CDK14: variants seen among roughly 807,000 people sequenced by gnomAD.
The protein encoded by CDK14 is cyclin dependent kinase 14.
Under a neutral mutation model 60.7 loss-of-function variants are expected in CDK14, and 34 were observed. The ratio of observed to expected loss-of-function variants is 0.56; its 90% CI spans 0.43 to 0.75. CDK14 has a LOEUF of 0.75. Among genes scored for constraint, CDK14 ranks in the 30% least tolerant of loss-of-function variants. The pLI is 0.00. For missense variants in CDK14, 482 were observed against 564.1 expected, an observed-to-expected ratio of 0.85 and a Z score of 1.47; for synonymous variants, 197 against 203.7, an observed-to-expected ratio of 0.97 and a Z score of 0.28.
intron 5 of CDK14, among the ~76,000 whole-genome samples, chr7:90,853,274 G>A (rs1790709454): frequency 6.6e-6 from 1 of 152,062 alleles, no homozygotes; most frequent in Non-Finnish European, 1.5e-5. Context: ...AACTGAACGG[G>A]AAAAAACTGC....
chr7:91,174,528 A>G (rs1157494838), intron 14 of CDK14, among the ~76,000 whole-genome samples: 1 of 151,492 alleles, frequency 6.6e-6, no homozygotes, highest in African/African-American at 2.4e-5. Flanking sequence ...GAGGACATTC[A>G]AACCAAAGGC....
intron 14 of CDK14, among the ~76,000 whole-genome samples, chr7:91,191,665 G>C (rs766614246): frequency 2.0e-5 from 3 of 151,936 alleles, no homozygotes; most frequent in Non-Finnish European, 4.4e-5. Flanking sequence ...AGTACACTGA[G>C]GGAAGGAAGA....
chr7:91,093,322 A>G (rs1476183311), intron 12 of CDK14, among the ~76,000 whole-genome samples: 1 of 152,198 alleles, frequency 6.6e-6, no homozygotes, highest in East Asian at 1.9e-4. Context: ...GGCAGGAGGA[A>G]ATCAAGATGT....
At chr7:90,970,058 C>T (rs1247730277) in intron 9 of CDK14, among the ~76,000 whole-genome samples, 2 of 151,822 alleles carry the variant, frequency 1.3e-5, no homozygotes, top group African/African-American at 4.8e-5. Context: ...CCTCCGCCTC[C>T]CAGGTTTAAG....
chr7:91,152,396 C>T (rs1414695557), intron 14 of CDK14, among the ~76,000 whole-genome samples: 3 of 152,124 alleles, frequency 2.0e-5, no homozygotes, highest in Non-Finnish European at 4.4e-5. Flanking sequence ...AGCTATCTGG[C>T]AAAGCTAAGT....
chr7:91,040,793 A>G (rs942475384), intron 10 of CDK14, among the ~76,000 whole-genome samples: 2 of 152,230 alleles, frequency 1.3e-5, no homozygotes, highest in African/African-American at 2.4e-5. Flanking sequence ...ACAGGTGTTC[A>G]GGGAAAAGCC....
intron 4 of CDK14, among the ~76,000 whole-genome samples, chr7:90,761,705 TATGA>T (rs1554331504): frequency 5.9e-5 from 9 of 152,324 alleles, no homozygotes; most frequent in Non-Finnish European, 1.2e-4. Flanking sequence ...CGGAATATCC[TATGA>T]ATGAACAGGA....
chr7:90,654,142 C>T (rs1335100593), intron 2 of CDK14, among the ~76,000 whole-genome samples: 1 of 152,100 alleles, frequency 6.6e-6, no homozygotes, highest in African/African-American at 2.4e-5. Context: ...GTAAGGCATG[C>T]CTTCCTTTCT....
chr7:91,195,459 G>A (rs1387930768), intron 14 of CDK14, among the ~76,000 whole-genome samples: 4 of 152,092 alleles, frequency 2.6e-5, no homozygotes, highest in Non-Finnish European at 2.9e-5. Flanking sequence ...TACCTAAGGC[G>A]GCATCTTTCT....
chr7:90,892,226 G>A (rs113284618), intron 6 of CDK14, among the ~76,000 whole-genome samples: 109 of 151,430 alleles, frequency 7.2e-4, no homozygotes, highest in African/African-American at 2.4e-3. Context: ...AAAGGTGAGT[G>A]TTGTTTTCTA....
At chr7:90,916,733 G>T (rs1474678379) in intron 7 of CDK14, among the ~76,000 whole-genome samples, 1 of 152,160 alleles carries the variant, frequency 6.6e-6, no homozygotes. Context: ...TATCAATTAG[G>T]ATTATTTTGG....
At chr7:90,719,187 T>G (rs1802357617) in intron 2 of CDK14, among the ~76,000 whole-genome samples, 1 of 152,140 alleles carries the variant, frequency 6.6e-6, no homozygotes, top group African/African-American at 2.4e-5. Context: ...GGATATTCCT[T>G]TCATGAATAT....
At chr7:90,743,567 G>C (rs1276641803) in intron 3 of CDK14, among the ~76,000 whole-genome samples, 2 of 152,140 alleles carry the variant, frequency 1.3e-5, no homozygotes, top group Admixed American at 6.5e-5. Context: ...TTAGTTACTT[G>C]CTTGCTCTGT....
intron 5 of CDK14, among the ~76,000 whole-genome samples, chr7:90,822,491 G>C (rs556837107): frequency 6.6e-6 from 1 of 152,086 alleles, no homozygotes; most frequent in Non-Finnish European, 1.5e-5. Flanking sequence ...TCTCTTCTCT[G>C]TGATTCCAGC....
intron 2 of CDK14, among the ~76,000 whole-genome samples, chr7:90,649,719 T>C (rs907959834): frequency 6.6e-6 from 1 of 152,024 alleles, no homozygotes; most frequent in African/African-American, 2.4e-5. Flanking sequence ...TGTTTGGTTT[T>C]CTGTCCTTGT....
At chr7:91,083,318 C>G (rs559342817) in intron 12 of CDK14, among the ~76,000 whole-genome samples, 12 of 152,158 alleles carry the variant, frequency 7.9e-5, no homozygotes, top group Non-Finnish European at 5.9e-5. Flanking sequence ...AGTCTTATAA[C>G]TCAAAGGGTG....
At chr7:90,900,355 GTTTT>G (rs370998347) in intron 7 of CDK14, among the ~76,000 whole-genome samples, 8 of 152,098 alleles carry the variant, frequency 5.3e-5, no homozygotes, top group South Asian at 2.1e-4. Context: ...TTTCCTTAAA[GTTTT>G]TTGACTGTTC....
intron 10 of CDK14, among the ~76,000 whole-genome samples, chr7:91,038,910 C>T (rs1278170480): frequency 2.0e-5 from 3 of 152,210 alleles, no homozygotes; most frequent in African/African-American, 7.2e-5. Flanking sequence ...CCTCCCCAGC[C>T]ATGTGGAACT....
chr7:90,596,771 G>A, intron 1 of CDK14, 53 bp downstream of exon 1: 2 of 1,440,858 alleles, frequency 1.4e-6, no homozygotes, highest in Non-Finnish European at 1.9e-6. Context: ...CTCGGCCTGC[G>A]CCCCCGCCGC....
Sources: gnomAD v4.1 joint callset for allele counts (sites outside exome capture counted in the v4.1 genomes callset) on GRCh38, gnomAD v4.1.1 for gene constraint, MANE v1.5 for transcripts, NCBI Gene and HGNC (gene_info 2026-07-23, HGNC 2026-07-21) for gene names.